The following OOEP variants were observed in gnomAD, a reference collection of about 807,000 sequenced individuals.
OOEP encodes oocyte-expressed protein homolog.
A neutral mutation model predicts 13.7 loss-of-function variants in OOEP; 16 were observed. The ratio of observed to expected loss-of-function variants is 1.16; its 90% CI spans 0.79 to 1.77. The LOEUF (loss-of-function observed/expected upper bound fraction) is 1.77, where lower values mean the gene tolerates loss of function less well. OOEP is among the 40% of genes most tolerant of loss of function. The probability of loss-of-function intolerance (pLI) is 0.00; values close to 1 mark genes in which losing one functional copy is unlikely to be tolerated. For synonymous variants in OOEP, 89 were observed against 77.1 expected (o/e 1.15, Z -0.81); for missense variants, 195 against 193.1 (o/e 1.01, Z -0.06).
At chr6:73,392,694 C>G (rs900809874) in intron 2 of OOEP, among the ~76,000 whole-genome samples, 9 of 117,030 alleles carry the variant, frequency 7.7e-5, no homozygotes, top group African/African-American at 2.6e-4. Context: ...TGCAGTGGCA[C>G]AATCTTGGCT....
chr6:73,392,664 G>A (rs568025412), intron 2 of OOEP, among the ~76,000 whole-genome samples: 11 of 108,726 alleles, frequency 1.0e-4, no homozygotes, highest in East Asian at 5.9e-4. Context: ...GGAGTCTCTC[G>A]CTCTGTCATC....
At chr6:73,380,658 G>A (rs562658186) in intron 2 of OOEP, among the ~76,000 whole-genome samples, 4 of 152,222 alleles carry the variant, frequency 2.6e-5, no homozygotes, top group South Asian at 2.1e-4. Flanking sequence ...TTTCTTGAGC[G>A]TCACACTTAA....
At chr6:73,382,484 G>A (rs954228345) in intron 2 of OOEP, among the ~76,000 whole-genome samples, 1 of 151,648 alleles carries the variant, frequency 6.6e-6, no homozygotes, top group African/African-American at 2.4e-5. Context: ...CCAAAGTGCT[G>A]GGATTATAAG....
intron 2 of OOEP, among the ~76,000 whole-genome samples, chr6:73,381,635 G>T (rs1229100374): frequency 1.3e-5 from 2 of 152,112 alleles, no homozygotes; most frequent in Non-Finnish European, 2.9e-5. Flanking sequence ...CACTCTTCTT[G>T]GTAGCCTGAA....
intron 2 of OOEP, 116 bp downstream of exon 2, chr6:73,369,090 T>C (rs1769001889): frequency 4.5e-6 from 5 of 1,112,600 alleles, no homozygotes; most frequent in Admixed American, 2.5e-5. Context: ...GCTAGCTCCC[T>C]GGGGTCTGGA....
At chr6:73,376,640 T>G (rs373743658) in intron 2 of OOEP, among the ~76,000 whole-genome samples, 37 of 151,536 alleles carry the variant, frequency 2.4e-4, no homozygotes, top group African/African-American at 9.0e-4. Context: ...GCCTGGCTGA[T>G]TTTTGTGGTT....
intron 2 of OOEP, among the ~76,000 whole-genome samples, chr6:73,386,237 G>C (rs888014721): frequency 6.6e-6 from 1 of 152,070 alleles, no homozygotes; most frequent in Non-Finnish European, 1.5e-5. Context: ...GGGGATTACA[G>C]GCATGTGCCA....
At chr6:73,371,613 G>A (rs1769057064), upstream of OOEP, among the ~76,000 whole-genome samples, 1 of 152,116 alleles carries the variant, frequency 6.6e-6, no homozygotes, top group Non-Finnish European at 1.5e-5. Context: ...AGCCGGACAT[G>A]GTGGTGCATG....
At chr6:73,377,165 G>A (rs1769149290) in intron 2 of OOEP, among the ~76,000 whole-genome samples, 1 of 152,162 alleles carries the variant, frequency 6.6e-6, no homozygotes, top group African/African-American at 2.4e-5. Context: ...ACAATCTTAA[G>A]CCAGCCTTGG....
In OOEP at chr6:73,368,967, G is replaced by C. The variant is rs1040878870; in HGVS notation, c.371-104C>G. 5.3e-6 allele frequency: 5 copies of C among 946,836 alleles called. No individual in the cohort carries two copies. The Admixed American group carries it at 5.9e-5, about 11-fold the overall frequency. The allele number at this position is 946,836 out of a possible 1,614,324, so 58.7% of individuals were successfully genotyped here. On this transcript the variant is annotated intron_variant, in intron 2 of 2. Coordinates refer to ENST00000370359, the MANE Select transcript of OOEP (RefSeq NM_001080507.3). Reference sequence around the variant, plus strand: ...GGGGAGGAGAGAAAGATCTGCGATAGTGCTGTAACCCAGGTGAGGCTGACT... The same window carrying C: ...GGGGAGGAGAGAAAGATCTGCGATACTGCTGTAACCCAGGTGAGGCTGACT...
chr6:73,380,680 AT>A (rs1769194188), intron 2 of OOEP, among the ~76,000 whole-genome samples: 1 of 152,184 alleles, frequency 6.6e-6, no homozygotes, highest in Non-Finnish European at 1.5e-5. Context: ...GATTTATATA[AT>A]TTTTAGTAAG....
At chr6:73,394,889 C>T in exon 1 of OOEP, 1 of 1,612,986 alleles carries the variant, frequency 6.2e-7, no homozygotes, top group Non-Finnish European at 8.5e-7. Context: ...ACGTCGGACG[C>T]GCCCCTTCTT....
At chr6:73,380,711 T>A (rs186921381) in intron 2 of OOEP, among the ~76,000 whole-genome samples, 27 of 151,968 alleles carry the variant, frequency 1.8e-4, no homozygotes, top group Admixed American at 9.8e-4. Flanking sequence ...CTTTGAGTTG[T>A]TTTTTGTTTT....
chr6:73,386,107 T>C (rs1410655151), intron 2 of OOEP, among the ~76,000 whole-genome samples: 3 of 151,302 alleles, frequency 2.0e-5, no homozygotes, highest in Non-Finnish European at 4.4e-5. Context: ...TTTTTTTTTT[T>C]TCCTGAGACA....
intron 2 of OOEP, among the ~76,000 whole-genome samples, chr6:73,379,481 T>C (rs1769173166): frequency 2.0e-5 from 3 of 151,254 alleles, no homozygotes; most frequent in South Asian, 4.2e-4. Flanking sequence ...TAGTCTCTAC[T>C]AAAAATACAA....
Position 73,368,812 on chromosome 6 carries a change from G to C in OOEP, c.422C>G (p.Pro141Arg), listed in dbSNP as rs1768996945. 6.2e-7 allele frequency: 1 copy of C among 1,613,422 alleles called. No homozygotes were observed. Among genetic ancestry groups the C allele is most frequent in the Non-Finnish European group, 8.5e-7 (1 of 1,179,362 alleles). ...AGCAACAGGATCCTGGGGAGAGTGGGGGTCTGATGCATGGGCCTTCAAGTT... is the reference window on the plus strand; with the variant it reads ...AGCAACAGGATCCTGGGGAGAGTGGCGGTCTGATGCATGGGCCTTCAAGTT... ...EKNLKAHASD[P>R]HSPQDPVA The change falls in exon 3 of 3, where the codon CCC becomes CGC. Residue 141 changes from proline (P) to arginine (R), a missense_variant. Pro to Arg is a moderately radical substitution (Grantham distance 103, BLOSUM62 -2). Transcript: ENST00000370359.
intron 2 of OOEP, among the ~76,000 whole-genome samples, chr6:73,378,307 G>C (rs1381927352): frequency 6.6e-6 from 1 of 151,596 alleles, no homozygotes; most frequent in Non-Finnish European, 1.5e-5. Flanking sequence ...GTTTCTTCAT[G>C]TTGGCCAGGC....
At chr6:73,390,621 G>C (rs1339441049) in intron 2 of OOEP, among the ~76,000 whole-genome samples, 1 of 140,920 alleles carries the variant, frequency 7.1e-6, no homozygotes, top group Non-Finnish European at 1.5e-5. Context: ...CGTTCTTGTC[G>C]CCTGGAGTGT....
At chr6:73,371,772 TAA>T (rs1176902558), upstream of OOEP, among the ~76,000 whole-genome samples, 1 of 147,004 alleles carries the variant, frequency 6.8e-6, no homozygotes, top group South Asian at 2.4e-4. Flanking sequence ...AAAATAAAAA[TAA>T]AAAAATTTGG....
Sources: allele counts gnomAD v4.1 joint callset (sites outside exome capture counted in the v4.1 genomes callset), GRCh38; gene constraint gnomAD v4.1.1; transcripts MANE v1.5; gene names NCBI Gene and HGNC (gene_info 2026-07-23, HGNC 2026-07-21).